The following PCNX2 variants were observed in gnomAD, a reference collection of about 807,000 sequenced individuals.
The protein encoded by PCNX2 is pecanex 2, also known as pecanex-like protein 2.
PCNX2 carries 168 observed loss-of-function variants against 223.8 expected under a neutral mutation model. The ratio of observed to expected loss-of-function variants is 0.75; its 90% CI spans 0.66 to 0.85. The LOEUF is 0.85. PCNX2 is among the 40% of genes least tolerant of loss of function. The pLI, the probability that PCNX2 is intolerant of heterozygous loss-of-function variation, is 0.00. For synonymous variants in PCNX2, 1,006 were observed against 1,052.6 expected (o/e 0.96, Z 0.86); for missense variants, 2,507 against 2,675.5 (o/e 0.94, Z 1.39).
At chr1:233,160,197 C>T in intron 19 of PCNX2, 86 bp downstream of exon 19, 1 of 1,415,626 alleles carries the variant, frequency 7.1e-7, no homozygotes, top group Non-Finnish European at 9.7e-7. Flanking sequence ...GCATTAAGTA[C>T]ATTCAGACTG....
chr1:233,264,596 A>G (rs1350319603), intron 1 of PCNX2, among the ~76,000 whole-genome samples: 3 of 152,220 alleles, frequency 2.0e-5, no homozygotes, highest in Non-Finnish European at 2.9e-5. Flanking sequence ...ACTCGCTCTT[A>G]TTATGTCATG....
chr1:233,054,096 A>G (rs1033128778), intron 25 of PCNX2, among the ~76,000 whole-genome samples, 172 bp downstream of exon 25: 1 of 152,162 alleles, frequency 6.6e-6, no homozygotes, highest in Middle Eastern at 3.2e-3. Flanking sequence ...TTATGTTTTT[A>G]TTCCTTCAGA....
chr1:233,289,745 T>C (rs1465782021), intron 1 of PCNX2, among the ~76,000 whole-genome samples: 4 of 152,194 alleles, frequency 2.6e-5, no homozygotes, highest in Non-Finnish European at 4.4e-5. Context: ...AGCCTTTCTT[T>C]TGAGGAAACT....
intron 14 of PCNX2, 28 bp downstream of exon 14, chr1:233,200,126 C>T (rs1558335950): frequency 3.4e-6 from 5 of 1,480,148 alleles, no homozygotes; most frequent in Non-Finnish European, 3.7e-6. Context: ...AATTCCTTTA[C>T]AGGAAGAATA....
chr1:233,127,811 A>G (rs1227606825), intron 21 of PCNX2, among the ~76,000 whole-genome samples: 1 of 152,234 alleles, frequency 6.6e-6, no homozygotes, highest in African/African-American at 2.4e-5. Flanking sequence ...GAAAGTACCA[A>G]ACATTTGGTA....
chr1:233,195,385 C>G (rs1205471309), intron 15 of PCNX2, among the ~76,000 whole-genome samples: 7 of 152,094 alleles, frequency 4.6e-5, no homozygotes, highest in Non-Finnish European at 1.0e-4. Context: ...GACTTTTCCC[C>G]TAAACTTGGG....
Position 233,252,570 on chromosome 1 carries a change from C to A in PCNX2, c.1982+71G>T. 6 of 1,585,248 alleles carry A rather than the reference C, an allele frequency of 3.8e-6. No homozygotes were observed. In the South Asian group the frequency reaches 4.6e-5, roughly 12 times the overall value. ...CTTATCCTTGATAAAGCATTAAAAG[C>A]AGAAGCCAGTAAATGAGGCTGTCTC... On this transcript the variant is annotated intron_variant, in intron 6 of 33. Transcript: ENST00000258229.
chr1:233,300,613 C>G (rs910799725), upstream of PCNX2, among the ~76,000 whole-genome samples: 10 of 152,184 alleles, frequency 6.6e-5, no homozygotes, highest in Admixed American at 2.0e-4. Flanking sequence ...GCAGTACAAT[C>G]CCCTAATGTG....
intron 21 of PCNX2, among the ~76,000 whole-genome samples, chr1:233,108,150 G>T (rs1272262086): frequency 6.6e-6 from 1 of 152,212 alleles, no homozygotes; most frequent in Non-Finnish European, 1.5e-5. Flanking sequence ...CTTCTGGGCT[G>T]CGTTGTCTGT....
At chr1:233,316,394 T>C in the PCNX2 span, among the ~76,000 whole-genome samples, 2 of 123,890 alleles carry the variant, frequency 1.6e-5, no homozygotes, top group South Asian at 2.7e-4. Context: ...CTTGTTTAAC[T>C]GCACTTTTTT....
intron 1 of PCNX2, among the ~76,000 whole-genome samples, chr1:233,269,530 A>G (rs1018936607): frequency 2.0e-5 from 3 of 152,230 alleles, no homozygotes; most frequent in African/African-American, 7.2e-5. Flanking sequence ...TCACTACAAT[A>G]GCATAATATC....
chr1:233,263,452 ATTTTTTTTTTTT>A (rs67108893), intron 1 of PCNX2, among the ~76,000 whole-genome samples: 3 of 126,796 alleles, frequency 2.4e-5, no homozygotes, highest in African/African-American at 9.2e-5. Flanking sequence ...AAACCTCTCC[ATTTTTTTTTTTT>A]TTTTTTTTTG....
At chr1:233,265,053 C>A (rs915475146) in intron 1 of PCNX2, among the ~76,000 whole-genome samples, 2 of 151,746 alleles carry the variant, frequency 1.3e-5, no homozygotes, top group Non-Finnish European at 2.9e-5. Flanking sequence ...GCCTGGGCAA[C>A]ATAGTGAGAC....
At chr1:233,158,457 G>T (rs2102816740) in intron 19 of PCNX2, among the ~76,000 whole-genome samples, 1 of 152,238 alleles carries the variant, frequency 6.6e-6, no homozygotes, top group African/African-American at 2.4e-5. Context: ...GAAAGTTATA[G>T]ATACAAATAA....
chr1:233,307,600 G>GTTA, the PCNX2 span, among the ~76,000 whole-genome samples: 1,608 of 152,242 alleles, frequency 0.011, 28 homozygotes, highest in African/African-American at 0.036. Flanking sequence ...CTAAGGCACT[G>GTTA]TTATGGTGGA....
rs1180510171 is a variant in PCNX2 at position 233,095,876 on chromosome 1, GA to G, written c.3838-14del. Reference sequence around the variant, plus strand: ...GCAGGTCCCCGAGCTGAAAGTAAAAGAAAAAAAATTCATCAGAGAGGACAAT... The same window carrying G: ...GCAGGTCCCCGAGCTGAAAGTAAAAGAAAAAAATTCATCAGAGAGGACAAT... On this transcript the variant is annotated splice_polypyrimidine_tract_variant and intron_variant, in intron 21 of 33. Coordinates refer to ENST00000258229, the MANE Select transcript of PCNX2 (RefSeq NM_014801.4). The G allele has an allele frequency of 1.0e-5, 16 of 1,562,160 alleles. No homozygotes were observed. Among genetic ancestry groups the G allele is most frequent in the Middle Eastern group, 3.4e-4 (2 of 5,952 alleles).
chr1:233,302,183 A>G, the PCNX2 span, among the ~76,000 whole-genome samples: 1 of 152,186 alleles, frequency 6.6e-6, no homozygotes, highest in African/African-American at 2.4e-5. Flanking sequence ...GAATAACCAA[A>G]TCAGATGAAG....
chr1:233,137,488 A>C (rs1043716802), intron 20 of PCNX2, among the ~76,000 whole-genome samples: 1 of 152,212 alleles, frequency 6.6e-6, no homozygotes, highest in African/African-American at 2.4e-5. Context: ...ATTTATTTCA[A>C]TGTTTAACAT....
At chr1:233,207,886 T>C (rs900339666) in intron 13 of PCNX2, among the ~76,000 whole-genome samples, 1 of 152,078 alleles carries the variant, frequency 6.6e-6, no homozygotes, top group Non-Finnish European at 1.5e-5. Context: ...ACCGTGCCCA[T>C]TCATGCTGCT....
Sources: allele counts gnomAD v4.1 joint callset (sites outside exome capture counted in the v4.1 genomes callset), GRCh38; gene constraint gnomAD v4.1.1; transcripts MANE v1.5; gene names NCBI Gene and HGNC (gene_info 2026-07-23, HGNC 2026-07-21).